MGAT4A: variants seen among roughly 807,000 people sequenced by gnomAD.
MGAT4A encodes N-acetylglucosaminyltransferase IVa.
A neutral mutation model predicts 74.1 loss-of-function variants in MGAT4A; 33 were observed. That is an observed-to-expected ratio of 0.45 (90% CI 0.34 to 0.60). The LOEUF is 0.60. Among genes scored for constraint, MGAT4A ranks in the 20% least tolerant of loss-of-function variants. MGAT4A has a pLI of 0.02. For missense variants in MGAT4A, 479 were observed against 628.3 expected, an observed-to-expected ratio of 0.76 and a Z score of 2.54; for synonymous variants, 198 against 210.4, an observed-to-expected ratio of 0.94 and a Z score of 0.51.
chr2:98,711,750 G>C (rs1034999923), intron 2 of MGAT4A, among the ~76,000 whole-genome samples: 19 of 152,052 alleles, frequency 1.2e-4, no homozygotes, highest in African/African-American at 4.1e-4. Context: ...CAATCCTCCT[G>C]CCTCAGCTTC....
At chr2:98,713,627 T>G (rs1272600837) in intron 2 of MGAT4A, among the ~76,000 whole-genome samples, 1 of 151,972 alleles carries the variant, frequency 6.6e-6, no homozygotes, top group Non-Finnish European at 1.5e-5. Context: ...CCAGGAAGCA[T>G]AAATCAGAAA....
At chr2:98,707,154 C>A (rs1330221824) in intron 2 of MGAT4A, among the ~76,000 whole-genome samples, 1 of 152,114 alleles carries the variant, frequency 6.6e-6, no homozygotes, top group Non-Finnish European at 1.5e-5. Context: ...GGCAGAGGTA[C>A]AGTGAGCTGA....
At chr2:98,665,693 A>G (rs1701819639) in intron 4 of MGAT4A, among the ~76,000 whole-genome samples, 1 of 152,268 alleles carries the variant, frequency 6.6e-6, no homozygotes, top group African/African-American at 2.4e-5. Context: ...AAATATATGT[A>G]TCTTACAGGC....
At chr2:98,640,758 C>CAG (rs2104235119) in intron 10 of MGAT4A, among the ~76,000 whole-genome samples, 1 of 152,238 alleles carries the variant, frequency 6.6e-6, no homozygotes, top group East Asian at 1.9e-4. Flanking sequence ...TTAAAATAAG[C>CAG]ATAGTTAAGG....
At chr2:98,662,122 A>G (rs1701760454) in intron 5 of MGAT4A, among the ~76,000 whole-genome samples, 1 of 152,222 alleles carries the variant, frequency 6.6e-6, no homozygotes. Flanking sequence ...GAAAAACAGG[A>G]AACTCAAATA....
intron 14 of MGAT4A, among the ~76,000 whole-genome samples, chr2:98,626,102 T>C (rs1461882970): frequency 6.6e-6 from 1 of 152,218 alleles, no homozygotes; most frequent in African/African-American, 2.4e-5. Flanking sequence ...AAAATATATT[T>C]GTTCTTATAT....
chr2:98,669,589 T>C (rs1260157980), intron 4 of MGAT4A, among the ~76,000 whole-genome samples: 1 of 152,196 alleles, frequency 6.6e-6, no homozygotes, highest in Non-Finnish European at 1.5e-5. Flanking sequence ...AAAATTTAAA[T>C]TATTTAGCTT....
At chr2:98,714,181 G>C (rs1435471264) in intron 2 of MGAT4A, among the ~76,000 whole-genome samples, 1 of 152,100 alleles carries the variant, frequency 6.6e-6, no homozygotes, top group Non-Finnish European at 1.5e-5. Context: ...TTCGCCTCCC[G>C]GGTTCAAGCT....
At chr2:98,705,295 T>C (rs1207818582) in intron 2 of MGAT4A, among the ~76,000 whole-genome samples, 1 of 152,166 alleles carries the variant, frequency 6.6e-6, no homozygotes, top group African/African-American at 2.4e-5. Flanking sequence ...GTCATAATGA[T>C]CTTAAATGAT....
chr2:98,703,269 C>A (rs1425685684), intron 2 of MGAT4A, among the ~76,000 whole-genome samples: 1 of 152,080 alleles, frequency 6.6e-6, no homozygotes, highest in South Asian at 2.1e-4. Flanking sequence ...ACTAGAGAGG[C>A]TCAGCAGCAG....
rs1702732594 is a variant in MGAT4A, at chr2:98,724,469, TG to T, written c.94+1769del. 2.0e-5 allele frequency among the ~76,000 whole-genome samples: 3 copies of T among 152,324 alleles called. No individual in the cohort carries two copies. The South Asian group carries it at 6.2e-4, about 32-fold the overall frequency. ...ATAACCAGAAACCTGTGTTGATACC[TG>T]GAAGAGTCTGGAAAAAACACCAAGT... On this transcript the variant is annotated intron_variant, in intron 2 of 15. Transcript: ENST00000393487.
At chr2:98,626,095 A>G (rs754510447) in intron 14 of MGAT4A, among the ~76,000 whole-genome samples, 6 of 152,188 alleles carry the variant, frequency 3.9e-5, no homozygotes, top group Non-Finnish European at 5.9e-5. Context: ...AAAAACAAAA[A>G]TATATTTGTT....
At chr2:98,685,964 C>T (rs1431444839) in intron 2 of MGAT4A, among the ~76,000 whole-genome samples, 2 of 152,200 alleles carry the variant, frequency 1.3e-5, no homozygotes, top group Non-Finnish European at 2.9e-5. Context: ...CTACCAGTTC[C>T]TTCTCCTCTC....
At position 98,640,036 on chromosome 2, in the gene MGAT4A, C is replaced by T. The variant is rs1365517954; in HGVS notation, c.1129-35G>A. Reference sequence around the variant, plus strand: ...AAGACATATATGCTATTAAATAATACACAGCTTATTTAAGAAGAAAAACAA... The same window carrying T: ...AAGACATATATGCTATTAAATAATATACAGCTTATTTAAGAAGAAAAACAA... On this transcript the variant is annotated intron_variant, in intron 11 of 15. Transcript: ENST00000393487. 5 of 1,557,450 alleles carry T rather than the reference C, an allele frequency of 3.2e-6. No individual in the cohort carries two copies. In the African/African-American group the frequency reaches 4.1e-5, roughly 13 times the overall value.
intron 3 of MGAT4A, among the ~76,000 whole-genome samples, chr2:98,676,735 G>T (rs1356381420): frequency 6.6e-6 from 1 of 152,156 alleles, no homozygotes; most frequent in Non-Finnish European, 1.5e-5. Flanking sequence ...GAAGATTAAT[G>T]ACAAAGTTTT....
chr2:98,637,276 A>T (rs574751751), intron 12 of MGAT4A, among the ~76,000 whole-genome samples: 23 of 152,196 alleles, frequency 1.5e-4, no homozygotes, highest in African/African-American at 5.5e-4. Flanking sequence ...TGACTGTGCC[A>T]CTGCACTCCA....
intron 2 of MGAT4A, among the ~76,000 whole-genome samples, chr2:98,707,316 G>C (rs1702453692): frequency 6.6e-6 from 1 of 152,000 alleles, no homozygotes. Context: ...AATGGGGTAG[G>C]GTGGCATGCA....
intron 4 of MGAT4A, among the ~76,000 whole-genome samples, chr2:98,666,464 G>A (rs577442345): frequency 8.5e-5 from 13 of 152,152 alleles, no homozygotes; most frequent in Non-Finnish European, 1.5e-4. Flanking sequence ...AGGCTGAGGC[G>A]GAAGGATCGC....
At chr2:98,668,623 G>A (rs928086056) in intron 4 of MGAT4A, among the ~76,000 whole-genome samples, 3 of 152,200 alleles carry the variant, frequency 2.0e-5, no homozygotes, top group South Asian at 2.1e-4. Context: ...GTGGAGCTGC[G>A]AGAAGAGGAC....
Sources: gnomAD v4.1 joint callset for allele counts (sites outside exome capture counted in the v4.1 genomes callset) on GRCh38, gnomAD v4.1.1 for gene constraint, MANE v1.5 for transcripts, NCBI Gene and HGNC (gene_info 2026-07-23, HGNC 2026-07-21) for gene names.